Variants in NAV2 observed in about 807,000 individuals in gnomAD.
NAV2 encodes the protein helicase, APC down-regulated 1.
In NAV2, 54 loss-of-function variants were observed where a neutral mutation model predicts 223.2. That is an observed-to-expected ratio of 0.24 (90% confidence interval 0.19 to 0.30). NAV2 has a LOEUF of 0.30. Among genes scored for constraint, NAV2 ranks in the 10% least tolerant of loss-of-function variants. The pLI, the probability that NAV2 is intolerant of heterozygous loss-of-function variation, is 1.00. For synonymous variants in NAV2, 1,279 were observed against 1,239.3 expected (o/e 1.03, Z -0.67); for missense variants, 2,806 against 3,147.5 (o/e 0.89, Z 2.60).
At chr11:19,650,583 A>G (rs886570308) in intron 1 of NAV2, among the ~76,000 whole-genome samples, 1 of 152,218 alleles carries the variant, frequency 6.6e-6, no homozygotes, top group East Asian at 1.9e-4. Flanking sequence ...TTTAACCCAG[A>G]GAAATGAAAG....
At chr11:20,085,851 G>A (rs73429396) in intron 26 of NAV2, among the ~76,000 whole-genome samples, 5,194 of 152,204 alleles carry the variant, frequency 0.034, 296 homozygotes, top group African/African-American at 0.11. Context: ...GGCTTATGTC[G>A]CCTCTTCCCA....
chr11:19,371,495 A>C (rs577560736), intron 1 of NAV2, among the ~76,000 whole-genome samples: 1 of 152,210 alleles, frequency 6.6e-6, no homozygotes, highest in Non-Finnish European at 1.5e-5. Context: ...GTTAACGTTT[A>C]TTGAGTACTT....
chr11:19,521,651 A>C (rs970294740), intron 1 of NAV2, among the ~76,000 whole-genome samples: 1 of 152,170 alleles, frequency 6.6e-6, no homozygotes, highest in African/African-American at 2.4e-5. Flanking sequence ...TATATCTGAT[A>C]TCAGTGAGCA....
At chr11:19,602,981 T>C (rs1191123826) in intron 1 of NAV2, among the ~76,000 whole-genome samples, 2 of 152,116 alleles carry the variant, frequency 1.3e-5, no homozygotes, top group East Asian at 1.9e-4. Flanking sequence ...AAGGGCATTC[T>C]AAGTTGAGGG....
chr11:19,666,116 T>C (rs1028131512), intron 1 of NAV2, among the ~76,000 whole-genome samples: 2 of 152,230 alleles, frequency 1.3e-5, no homozygotes, highest in African/African-American at 2.4e-5. Context: ...GCTAAACAGC[T>C]ATGCAAGTTC....
chr11:19,869,587 C>T (rs1247984349), intron 4 of NAV2, among the ~76,000 whole-genome samples: 2 of 152,170 alleles, frequency 1.3e-5, no homozygotes, highest in Non-Finnish European at 2.9e-5. Context: ...TTCGAATTCT[C>T]AGCCACCTCA....
intron 10 of NAV2, among the ~76,000 whole-genome samples, chr11:19,967,439 AAAC>A (rs2048864808): frequency 6.6e-6 from 1 of 152,180 alleles, no homozygotes; most frequent in South Asian, 2.1e-4. Context: ...GCAGGATTCA[AAAC>A]CCAAAACATA....
At chr11:19,650,653 C>G (rs2135643404) in intron 1 of NAV2, among the ~76,000 whole-genome samples, 1 of 152,224 alleles carries the variant, frequency 6.6e-6, no homozygotes, top group East Asian at 1.9e-4. Context: ...TCACAGTAGC[C>G]CCAAACTGGA....
At chr11:20,075,756 G>A (rs547698232) in intron 22 of NAV2, among the ~76,000 whole-genome samples, 1 of 151,940 alleles carries the variant, frequency 6.6e-6, no homozygotes, top group African/African-American at 2.4e-5. Context: ...TCCTCACAGT[G>A]CACGGCAAAA....
intron 11 of NAV2, among the ~76,000 whole-genome samples, chr11:20,018,986 A>G (rs1316472685): frequency 6.6e-6 from 1 of 152,194 alleles, no homozygotes; most frequent in African/African-American, 2.4e-5. Flanking sequence ...CTTTGGACGT[A>G]ATGAAGAGGA....
chr11:19,397,111 T>C (rs971801865), intron 1 of NAV2, among the ~76,000 whole-genome samples: 19 of 152,136 alleles, frequency 1.2e-4, no homozygotes, highest in African/African-American at 4.6e-4. Flanking sequence ...GTGGTTGGCA[T>C]GGCCGGGAGA....
At chr11:19,866,885 G>A (rs1217910232) in intron 3 of NAV2, among the ~76,000 whole-genome samples, 2 of 152,052 alleles carry the variant, frequency 1.3e-5, no homozygotes, top group Non-Finnish European at 1.5e-5. Flanking sequence ...TTTCCATGGG[G>A]ACATAATTGC....
At chr11:19,760,735 C>T (rs556050052) in intron 1 of NAV2, among the ~76,000 whole-genome samples, 1 of 152,240 alleles carries the variant, frequency 6.6e-6, no homozygotes, top group East Asian at 1.9e-4. Flanking sequence ...AATGTTGTCC[C>T]ATACACTGGG....
At position 20,027,401 on chromosome 11, in the gene NAV2, G is replaced by C. The variant is rs989938639; in HGVS notation, c.2769-8558G>C. 3.0e-6 allele frequency: 3 copies of C among 985,536 alleles called. No individual in the cohort carries two copies. In the South Asian group the frequency reaches 1.4e-4, roughly 46 times the overall value. 61.0% of individuals were successfully genotyped at this position (985,536 alleles called of 1,614,324 possible). A position where few individuals can be genotyped will look rare whatever the true frequency, so the allele number is the denominator to read the frequency against. On this transcript the variant is annotated intron_variant, in intron 11 of 37. Transcript: ENST00000349880. ...GCAACTGAATGCAGCTGTCTGGCGG[G>C]GGGCATGGGCCAGCCCTGTAAATGG...
chr11:19,761,423 A>T (rs1055415276), intron 1 of NAV2, among the ~76,000 whole-genome samples: 3 of 152,200 alleles, frequency 2.0e-5, no homozygotes, highest in Non-Finnish European at 4.4e-5. Context: ...CTCAGGAGTG[A>T]CAGGGGCAAC....
intron 22 of NAV2, among the ~76,000 whole-genome samples, chr11:20,069,806 A>C (rs1644741578): frequency 6.6e-6 from 1 of 152,148 alleles, no homozygotes; most frequent in African/African-American, 2.4e-5. Flanking sequence ...CCAGTCCCCC[A>C]CATCAGTCAT....
In NAV2 at chr11:19,414,594, C is replaced by T. The variant is rs149501692; in HGVS notation, c.75+63567C>T. On this transcript the variant is annotated intron_variant, in intron 1 of 37. Transcript: ENST00000360655. Reference sequence around the variant, plus strand: ...TGAACTCAGCTCTGGACCAAGCAGACCTAATAGACATTGACAGAACTCTCC... The same window carrying T: ...TGAACTCAGCTCTGGACCAAGCAGATCTAATAGACATTGACAGAACTCTCC... 6.1e-3 allele frequency among the ~76,000 whole-genome samples: 929 copies of T among 152,250 alleles called. 10 individuals are homozygous for T. Among genetic ancestry groups the T allele is most frequent in the African/African-American group, 0.02 (812 of 41,546 alleles).
At chr11:19,559,876 G>A (rs2045036733) in intron 1 of NAV2, among the ~76,000 whole-genome samples, 1 of 152,152 alleles carries the variant, frequency 6.6e-6, no homozygotes, top group East Asian at 1.9e-4. Flanking sequence ...CCCCTTCTCA[G>A]TAAGCTGCCT....
At chr11:20,069,160 G>A (rs1591966539) in intron 22 of NAV2, among the ~76,000 whole-genome samples, 1 of 152,208 alleles carries the variant, frequency 6.6e-6, no homozygotes, top group Non-Finnish European at 1.5e-5. Context: ...CCTGGAGGAG[G>A]TGACATCTAA....
Sources: allele counts gnomAD v4.1 joint callset (sites outside exome capture counted in the v4.1 genomes callset), GRCh38; gene constraint gnomAD v4.1.1; transcripts MANE v1.5; gene names NCBI Gene and HGNC (gene_info 2026-07-23, HGNC 2026-07-21).